Variants in FRMPD4 observed in about 807,000 individuals in gnomAD.
FRMPD4 encodes the protein FERM and PDZ domain containing 4.
In FRMPD4, 22 loss-of-function variants were observed where a neutral mutation model predicts 94.1. That is an observed-to-expected ratio of 0.23 (90% CI 0.17 to 0.33). The LOEUF (loss-of-function observed/expected upper bound fraction) is 0.33, where lower values mean the gene tolerates loss of function less well. FRMPD4 is among the 10% of genes least tolerant of loss of function. The pLI, the probability that FRMPD4 is intolerant of heterozygous loss-of-function variation, is 1.00. For missense variants in FRMPD4, 1,111 were observed against 1,339.9 expected, an observed-to-expected ratio of 0.83 and a Z score of 2.67; for synonymous variants, 631 against 548.6, an observed-to-expected ratio of 1.15 and a Z score of -2.10.
At chrX:12,683,051 T>A (rs189465138) in intron 5 of FRMPD4, among the ~76,000 whole-genome samples, 1 of 111,884 alleles carries the variant, frequency 8.9e-6, no homozygotes. Flanking sequence ...AATAGGATTA[T>A]GAATCATTTT....
intron 3 of FRMPD4, among the ~76,000 whole-genome samples, chrX:11,896,394 G>A: frequency 9.0e-6 from 1 of 111,033 alleles, no homozygotes; most frequent in Non-Finnish European, 1.9e-5. Flanking sequence ...TTACGAGGTG[G>A]GGTCATTAGG....
intron 2 of FRMPD4, among the ~76,000 whole-genome samples, chrX:12,594,020 G>A (rs1163796865): frequency 9.0e-6 from 1 of 110,933 alleles, no homozygotes; most frequent in African/African-American, 3.3e-5. Flanking sequence ...TTATCTATGT[G>A]CCTGGTCATG....
In FRMPD4 at chrX:12,295,171, G is replaced by C. The variant is rs2054752181; in HGVS notation, c.41+156159G>C. Among the ~76,000 whole-genome samples, 3 of 112,152 alleles carry C rather than the reference G, an allele frequency of 2.7e-5. No homozygotes were observed. In the Admixed American group the frequency reaches 2.8e-4, roughly 11 times the overall value. On this transcript the variant is annotated intron_variant, in intron 1 of 16. Transcript: ENST00000675598. ...ATCATGAGACCTCTCAAGTCATCTGGAGGTTCATGTTAGCTTGACCTGCTC... is the reference window on the plus strand; with the variant it reads ...ATCATGAGACCTCTCAAGTCATCTGCAGGTTCATGTTAGCTTGACCTGCTC...
chrX:11,836,022 A>G (rs186963400), intron 1 of FRMPD4, among the ~76,000 whole-genome samples: 1 of 111,887 alleles, frequency 8.9e-6, no homozygotes, highest in East Asian at 2.8e-4. Flanking sequence ...CTCAGTGGAA[A>G]GAAACAGTAT....
At chrX:11,886,706 C>A (rs1031013016) in intron 3 of FRMPD4, among the ~76,000 whole-genome samples, 1 of 110,175 alleles carries the variant, frequency 9.1e-6, no homozygotes, top group Non-Finnish European at 1.9e-5. Context: ...ATATTCTATA[C>A]ACATAAAGTC....
chrX:12,541,017 A>G (rs1286101845), intron 2 of FRMPD4, among the ~76,000 whole-genome samples: 2 of 112,114 alleles, frequency 1.8e-5, no homozygotes, highest in Non-Finnish European at 3.8e-5. Flanking sequence ...TGAAGGCAGA[A>G]ATAAAGATGT....
In FRMPD4 at chrX:12,717,878, T is replaced by C. The variant is rs748091805; in HGVS notation, c.3052T>C (p.Ser1018Pro). The change falls in exon 16 of 17, where the codon TCG becomes CCG. Residue 1018 changes from serine (S) to proline (P), a missense_variant. Physicochemically the swap from Ser to Pro is moderately conservative, Grantham distance 74. Transcript: ENST00000675598. Reference protein sequence around the residue: ...TDYFSKLHMGSVAYSCTSKRK... With the variant: ...TDYFSKLHMGPVAYSCTSKRK... Reference sequence around the variant, plus strand: ...CTATTTTAGCAAACTGCACATGGGGTCGGTGGCATACTCCTGCACTAGCAA... The same window carrying C: ...CTATTTTAGCAAACTGCACATGGGGCCGGTGGCATACTCCTGCACTAGCAA... 3 of 1,210,745 alleles carry C rather than the reference T, an allele frequency of 2.5e-6. No homozygotes were observed. The Admixed American group carries it at 6.5e-5, about 26-fold the overall frequency.
chrX:12,677,311 C>T (rs773774249), intron 5 of FRMPD4, among the ~76,000 whole-genome samples: 59 of 111,320 alleles, frequency 5.3e-4, no homozygotes, highest in Non-Finnish European at 7.7e-4. Context: ...TCCCAAATGG[C>T]TTTTCTCTCC....
At chrX:12,666,101 C>CAA (rs59803800) in intron 4 of FRMPD4, among the ~76,000 whole-genome samples, 53 of 89,041 alleles carry the variant, frequency 6.0e-4, no homozygotes, top group South Asian at 4.9e-3. Flanking sequence ...AAATGGAAAG[C>CAA]AAAAAAAAAA....
At chrX:11,865,602 A>G (rs914158921) in intron 2 of FRMPD4, among the ~76,000 whole-genome samples, 4 of 111,997 alleles carry the variant, frequency 3.6e-5, no homozygotes, top group South Asian at 3.7e-4. Flanking sequence ...TCACCATTTT[A>G]TGAATATGGA....
intron 3 of FRMPD4, among the ~76,000 whole-genome samples, chrX:11,989,493 T>TG (rs1002221175): frequency 9.8e-6 from 1 of 101,989 alleles, no homozygotes; most frequent in Non-Finnish European, 2.0e-5. Context: ...AGAAGGGTAG[T>TG]GGGGGGAAGT....
intron 1 of FRMPD4, among the ~76,000 whole-genome samples, chrX:12,478,619 G>A (rs1166628456): frequency 9.0e-6 from 1 of 111,244 alleles, no homozygotes; most frequent in African/African-American, 3.3e-5. Context: ...TGTATAGTGG[G>A]GGTAGGGGAA....
chrX:12,158,371 T>C (rs1289183511), intron 1 of FRMPD4, among the ~76,000 whole-genome samples: 2 of 111,996 alleles, frequency 1.8e-5, no homozygotes, highest in Non-Finnish European at 3.8e-5. Flanking sequence ...TGTCCAAACT[T>C]CTGTCCTTAC....
chrX:12,083,353 A>G (rs1459842063), intron 3 of FRMPD4, among the ~76,000 whole-genome samples: 1 of 113,123 alleles, frequency 8.8e-6, no homozygotes, highest in Non-Finnish European at 1.9e-5. Context: ...GCAGGTACAC[A>G]GAAGTCAAGA....
chrX:12,708,061 A>G (rs2041910654), intron 13 of FRMPD4, among the ~76,000 whole-genome samples: 1 of 111,906 alleles, frequency 8.9e-6, no homozygotes, highest in Non-Finnish European at 1.9e-5. Context: ...CGTTAGGTCC[A>G]TATGTGTTTA....
Position 12,114,320 on chromosome X carries a change from C to T in FRMPD4, c.95+236302C>T, listed in dbSNP as rs1051975514. Among the ~76,000 whole-genome samples the T allele has an allele frequency of 9.0e-5, 10 of 110,698 alleles. No individual in the cohort carries two copies. In the East Asian group the frequency reaches 1.7e-3, roughly 19 times the overall value. On this transcript the variant is annotated intron_variant, in intron 3 of 18. Transcript: ENST00000640291. ...TCTATGAATATTTTTTTCTATCTGT[C>T]TTTAGGATTTCTGTCGTTTTAGCGT...
chrX:12,041,658 C>G (rs2054756608), intron 3 of FRMPD4, among the ~76,000 whole-genome samples: 1 of 105,053 alleles, frequency 9.5e-6, no homozygotes, highest in Admixed American at 1.0e-4. Context: ...TTACTTGGGG[C>G]TGATTGAGCT....
In FRMPD4 at chrX:12,718,094, A is replaced by G. The variant is rs150769066; in HGVS notation, c.3268A>G (p.Ser1090Gly). Residue 1090 changes from serine to glycine, a missense_variant, in exon 16 of 17, where the codon AGT (serine) becomes GGT (glycine). Transcript: ENST00000675598. ...NLERTAFRKD[S>G]QRWYVATEGG... ...GGAGAGAACTGCCTTTCGCAAGGACAGTCAAAGATGGTATGTGGCCACTGA... is the reference window on the plus strand; with the variant it reads ...GGAGAGAACTGCCTTTCGCAAGGACGGTCAAAGATGGTATGTGGCCACTGA... 59 of 1,209,581 alleles carry G rather than the reference A, an allele frequency of 4.9e-5. No homozygotes were observed. The African/African-American group carries it at 6.3e-4, about 13-fold the overall frequency.
rs746031547 is a variant in FRMPD4, at chrX:12,059,414, C to T, written c.95+181396C>T. Among the ~76,000 whole-genome samples, 10 of 111,590 alleles carry T rather than the reference C, an allele frequency of 9.0e-5. No individual in the cohort carries two copies. The East Asian group carries it at 1.1e-3, about 12-fold the overall frequency. ...TTTGGTGTGCTTTTTTATCCGTACT[C>T]ATAATATTTCATCTAATGTCTTTTT... is the stretch of plus-strand genomic sequence containing the variant. On this transcript the variant is annotated intron_variant, in intron 3 of 18. Coordinates refer to the FRMPD4 transcript ENST00000640291.
Sources: allele counts gnomAD v4.1 joint callset (sites outside exome capture counted in the v4.1 genomes callset), GRCh38; gene constraint gnomAD v4.1.1; transcripts MANE v1.5; gene names NCBI Gene and HGNC (gene_info 2026-07-23, HGNC 2026-07-21).